CAMK4: variants seen among roughly 807,000 people sequenced by gnomAD.
CAMK4 encodes calcium/calmodulin-dependent protein kinase type IV.
In CAMK4, 22 loss-of-function variants were observed where a neutral mutation model predicts 44.9. The ratio of observed to expected loss-of-function variants is 0.49; its 90% CI spans 0.35 to 0.70. The LOEUF is 0.70. Among genes scored for constraint, CAMK4 ranks in the 30% least tolerant of loss-of-function variants. The pLI is 0.01. For missense variants in CAMK4, 498 were observed against 586.8 expected (o/e 0.85, Z 1.56); for synonymous variants, 218 against 215.4 (o/e 1.01, Z -0.11).
At chr5:111,311,538 G>A (rs1748204296) in intron 1 of CAMK4, among the ~76,000 whole-genome samples, 1 of 152,126 alleles carries the variant, frequency 6.6e-6, no homozygotes, top group East Asian at 1.9e-4. Context: ...GGTTGTTCTG[G>A]ACAGTTTGTG....
At position 111,487,400 on chromosome 5, in the gene CAMK4, T is replaced by C. The variant is rs557247979; in HGVS notation, c.*2934T>C. The stretch of plus-strand genomic sequence containing the variant: ...AGTCTAATTGGAATCCAGTATTTTT[T>C]CTCAAACTGTAATTTCACTTGTCCC... On this transcript the variant is annotated 3_prime_UTR_variant, in exon 11 of 11. Coordinates refer to ENST00000282356, the MANE Select transcript of CAMK4 (RefSeq NM_001744.6). The C allele has an allele frequency of 2.0e-5, 3 of 152,180 alleles. No individual in the cohort carries two copies. The highest frequency in any genetic ancestry group is 2.9e-5 in the Non-Finnish European group (2 of 68,018). 9.4% of individuals were successfully genotyped at this position (152,180 alleles called of 1,614,324 possible).
Position 111,443,269 on chromosome 5 carries a change from TATATATATATACACACAC to T in CAMK4, c.460-3415_460-3398del, listed in dbSNP as rs1326251792. Among the ~76,000 whole-genome samples, 748 of 51,142 alleles carry T rather than the reference TATATATATATACACACAC, an allele frequency of 0.015. 21 individuals carry two copies. In the East Asian group the frequency reaches 0.27, roughly 18 times the overall value. The allele number at this position is 51,142 out of a possible 152,430, so 33.6% of individuals were successfully genotyped here. Reference sequence around the variant, plus strand: ...ATATATATATATATATATATATATATATATATATATACACACACACACACACACACACACACACACACA... The same window carrying T: ...ATATATATATATATATATATATATATACACACACACACACACACACACACA... On this transcript the variant is annotated intron_variant, in intron 5 of 10. Transcript: ENST00000282356.
At chr5:111,294,634 G>A (rs1397974285) in intron 1 of CAMK4, among the ~76,000 whole-genome samples, 4 of 151,798 alleles carry the variant, frequency 2.6e-5, no homozygotes, top group African/African-American at 7.3e-5. Flanking sequence ...CACAACTGAT[G>A]CACATGTTCT....
intron 5 of CAMK4, among the ~76,000 whole-genome samples, chr5:111,407,915 C>T (rs1182089867): frequency 3.3e-5 from 5 of 152,234 alleles, no homozygotes; most frequent in African/African-American, 1.2e-4. Flanking sequence ...CACTTGAGGT[C>T]AGGAGTTTGA....
At chr5:111,412,147 T>A (rs1752653313) in intron 5 of CAMK4, among the ~76,000 whole-genome samples, 1 of 152,164 alleles carries the variant, frequency 6.6e-6, no homozygotes, top group Non-Finnish European at 1.5e-5. Flanking sequence ...TAATTATTTA[T>A]TCAGATGCAA....
At chr5:111,458,983 T>C (rs1754538128) in intron 7 of CAMK4, among the ~76,000 whole-genome samples, 3 of 152,186 alleles carry the variant, frequency 2.0e-5, no homozygotes, top group Admixed American at 2.0e-4. Context: ...GGCTTGGGAC[T>C]TGTTAATTTC....
At chr5:111,458,900 T>C (rs1255049887) in intron 7 of CAMK4, among the ~76,000 whole-genome samples, 2 of 152,100 alleles carry the variant, frequency 1.3e-5, no homozygotes, top group Non-Finnish European at 2.9e-5. Context: ...AAATAGTAGA[T>C]AGGAGAGGGG....
chr5:111,461,812 G>GAAAA, intron 7 of CAMK4, among the ~76,000 whole-genome samples: 1 of 2,894 alleles, frequency 3.5e-4, no homozygotes, highest in African/African-American at 8.9e-4. Flanking sequence ...AGCCTCTATA[G>GAAAA]TAAAAAAAAA....
chr5:111,315,268 A>G (rs1440951516), intron 1 of CAMK4, among the ~76,000 whole-genome samples: 1 of 152,102 alleles, frequency 6.6e-6, no homozygotes, highest in African/African-American at 2.4e-5. Flanking sequence ...TAGCTTTTCA[A>G]TTGATTAGGG....
At chr5:111,423,789 C>G (rs574502890) in intron 5 of CAMK4, among the ~76,000 whole-genome samples, 1 of 152,226 alleles carries the variant, frequency 6.6e-6, no homozygotes, top group African/African-American at 2.4e-5. Context: ...TGACTCAAGA[C>G]CTAACAATAA....
chr5:111,444,153 G>A (rs1753948624), intron 5 of CAMK4, among the ~76,000 whole-genome samples: 1 of 152,080 alleles, frequency 6.6e-6, no homozygotes, highest in Non-Finnish European at 1.5e-5. Flanking sequence ...TGGGAATTAT[G>A]TAATAGGCAA....
chr5:111,354,498 G>C (rs1260944748), intron 2 of CAMK4, among the ~76,000 whole-genome samples: 2 of 151,368 alleles, frequency 1.3e-5, no homozygotes, highest in Non-Finnish European at 2.9e-5. Flanking sequence ...CTTGATTGTG[G>C]CAATCATTTT....
intron 1 of CAMK4, among the ~76,000 whole-genome samples, chr5:111,273,728 TACATAC>T (rs1561378079): frequency 0.013 from 1,208 of 95,670 alleles, 43 homozygotes; most frequent in African/African-American, 0.044. Context: ...TACACACACA[TACATAC>T]ACACACACAC....
chr5:111,399,788 T>A (rs1170392317), intron 5 of CAMK4, among the ~76,000 whole-genome samples: 1 of 152,218 alleles, frequency 6.6e-6, no homozygotes, highest in Non-Finnish European at 1.5e-5. Context: ...AAACTCACCT[T>A]CCTCGGTATG....
intron 1 of CAMK4, among the ~76,000 whole-genome samples, chr5:111,309,532 A>C (rs956868680): frequency 2.0e-5 from 3 of 152,108 alleles, no homozygotes; most frequent in African/African-American, 7.2e-5. Context: ...GCTAAAGTCA[A>C]ATCTAGGAGT....
chr5:111,293,584 G>A lies in CAMK4; in HGVS notation c.162-50440G>A, dbSNP rs148253336. 1.0e-2 allele frequency among the ~76,000 whole-genome samples: 1,509 copies of A among 151,438 alleles called. 21 individuals are homozygous for A. Among genetic ancestry groups the A allele is most frequent in the African/African-American group, 0.035 (1,432 of 41,238 alleles). On this transcript the variant is annotated intron_variant, in intron 1 of 10. Transcript: ENST00000282356. ...TGGGATTACAAGCACCCGCCACCACGTCCAGCTAATTTTTGTATTTTTAGT... is the reference window on the plus strand; with the variant it reads ...TGGGATTACAAGCACCCGCCACCACATCCAGCTAATTTTTGTATTTTTAGT...
At chr5:111,266,306 G>A (rs1650791) in intron 1 of CAMK4, among the ~76,000 whole-genome samples, 30,095 of 151,630 alleles carry the variant, frequency 0.2, 3,784 homozygotes, top group Non-Finnish European at 0.28. Flanking sequence ...ATTCTGAACT[G>A]CAGTTGCTTC....
intron 2 of CAMK4, among the ~76,000 whole-genome samples, chr5:111,371,339 G>T (rs1750997694): frequency 6.6e-6 from 1 of 152,172 alleles, no homozygotes; most frequent in East Asian, 1.9e-4. Flanking sequence ...TAAGCCCACT[G>T]TTTTAATATT....
At chr5:111,424,067 C>G (rs531139670) in intron 5 of CAMK4, among the ~76,000 whole-genome samples, 8 of 152,312 alleles carry the variant, frequency 5.3e-5, no homozygotes, top group Non-Finnish European at 7.4e-5. Context: ...ATCCTTAATC[C>G]TTTTGCCATC....
Sources: gnomAD v4.1 joint callset for allele counts (sites outside exome capture counted in the v4.1 genomes callset) on GRCh38, gnomAD v4.1.1 for gene constraint, MANE v1.5 for transcripts, NCBI Gene and HGNC (gene_info 2026-07-23, HGNC 2026-07-21) for gene names.